Variants in GHR observed in about 807,000 individuals in gnomAD.
GHR encodes GH receptor.
GHR carries 35 observed loss-of-function variants against 67.1 expected under a neutral mutation model. The observed-to-expected ratio is 0.52, with a 90% CI of 0.40 to 0.69. The LOEUF (loss-of-function observed/expected upper bound fraction) is 0.69. Ranked by LOEUF, GHR falls within the 30% of genes least tolerant of loss-of-function variation. GHR has a pLI of 0.00. For missense variants in GHR, 792 were observed against 764.6 expected (o/e 1.04, Z -0.42); for synonymous variants, 272 against 269.1 (o/e 1.01, Z -0.10).
intron 1 of GHR, among the ~76,000 whole-genome samples, chr5:42,458,525 C>T (rs1744354184): frequency 6.6e-6 from 1 of 151,990 alleles, no homozygotes; most frequent in Non-Finnish European, 1.5e-5. Context: ...TATAAAAAAC[C>T]CTGGAAGATA....
intron 2 of GHR, among the ~76,000 whole-genome samples, chr5:42,602,216 G>A (rs1282811714): frequency 6.6e-6 from 1 of 152,060 alleles, no homozygotes; most frequent in Non-Finnish European, 1.5e-5. Flanking sequence ...TTTCCAATAT[G>A]CAATACAATA....
chr5:42,556,892 A>G (rs928797016), intron 1 of GHR, among the ~76,000 whole-genome samples: 6 of 152,330 alleles, frequency 3.9e-5, no homozygotes, highest in Non-Finnish European at 8.8e-5. Flanking sequence ...GGCTACTGAC[A>G]TGCCCCTTCT....
At chr5:42,527,912 T>C (rs1747780844) in intron 1 of GHR, among the ~76,000 whole-genome samples, 1 of 152,134 alleles carries the variant, frequency 6.6e-6, no homozygotes, top group Non-Finnish European at 1.5e-5. Flanking sequence ...ACTCTATAAA[T>C]GGAACACAAT....
At chr5:42,676,492 G>A (rs1756579660) in intron 3 of GHR, among the ~76,000 whole-genome samples, 1 of 151,912 alleles carries the variant, frequency 6.6e-6, no homozygotes, top group Admixed American at 6.6e-5. Context: ...TTTTTTGTCA[G>A]TTGCCATCAT....
At chr5:42,512,625 G>GT (rs1747066442) in intron 1 of GHR, among the ~76,000 whole-genome samples, 1 of 152,016 alleles carries the variant, frequency 6.6e-6, no homozygotes, top group Non-Finnish European at 1.5e-5. Context: ...CAACCTACTT[G>GT]TTTATGTGTC....
chr5:42,620,052 A>G (rs189847166), intron 2 of GHR, among the ~76,000 whole-genome samples: 1 of 152,148 alleles, frequency 6.6e-6, no homozygotes, highest in East Asian at 1.9e-4. Context: ...AGTGAGTGGA[A>G]GAAATTAATC....
chr5:42,468,680 C>CT, intron 1 of GHR: 7 of 997,998 alleles, frequency 7.0e-6, no homozygotes, highest in Non-Finnish European at 9.5e-6. Flanking sequence ...TGCCTGCCGC[C>CT]TTGGAGTTGG....
intron 1 of GHR, among the ~76,000 whole-genome samples, chr5:42,493,607 T>C (rs1044642069): frequency 2.6e-5 from 4 of 152,174 alleles, no homozygotes; most frequent in East Asian, 1.9e-4. Flanking sequence ...TATAGAGTGA[T>C]AGCAGAAAAG....
chr5:42,468,332 C>T, intron 1 of GHR: 2 of 1,560,380 alleles, frequency 1.3e-6, no homozygotes, highest in South Asian at 2.3e-5. Context: ...ATCTTCTCTG[C>T]TCAGCAGGGG....
chr5:42,449,644 T>A (rs1417657538), intron 1 of GHR, among the ~76,000 whole-genome samples: 1 of 152,188 alleles, frequency 6.6e-6, no homozygotes, highest in Non-Finnish European at 1.5e-5. Context: ...TCTTGTCTAA[T>A]CACTCTGGCT....
At position 42,718,698 on chromosome 5, in the gene GHR, T is replaced by G; in HGVS notation, c.1191T>G (p.Thr397=). The G allele has an allele frequency of 1.9e-6, 3 of 1,614,204 alleles. No homozygotes were observed. The highest frequency in any genetic ancestry group is 2.2e-5 in the South Asian group (2 of 91,078). Residue 397 remains threonine, a synonymous_variant, in exon 10 of 10, where the codon ACT becomes ACG. Coordinates refer to ENST00000230882, the MANE Select transcript of GHR (RefSeq NM_000163.5). ...GTTGTGAACCTGACATTCTGGAGAC[T>G]GATTTCAATGCCAATGACATACATG... The part of the protein sequence containing the change: ...TSCCEPDILE[T]DFNANDIHEG...
At chr5:42,558,750 GT>G (rs987533090) in intron 1 of GHR, among the ~76,000 whole-genome samples, 46 of 152,130 alleles carry the variant, frequency 3.0e-4, no homozygotes, top group African/African-American at 1.1e-3. Flanking sequence ...ACTCTGTGGT[GT>G]TCACAGAACC....
chr5:42,664,836 A>G (rs1755867576), intron 3 of GHR, among the ~76,000 whole-genome samples: 1 of 152,222 alleles, frequency 6.6e-6, no homozygotes, highest in Non-Finnish European at 1.5e-5. Context: ...AATTTTCGCA[A>G]CCTACTCATC....
chr5:42,678,088 C>G (rs1186583244), intron 3 of GHR, among the ~76,000 whole-genome samples: 2 of 152,136 alleles, frequency 1.3e-5, no homozygotes, highest in Non-Finnish European at 2.9e-5. Context: ...CTCACTTAAT[C>G]TTTACAATAA....
intron 1 of GHR, among the ~76,000 whole-genome samples, chr5:42,460,054 A>T (rs765077964): frequency 2.3e-4 from 35 of 152,204 alleles, no homozygotes; most frequent in Non-Finnish European, 3.7e-4. Context: ...TCTTAAGGAT[A>T]GGTCTCCAAT....
chr5:42,471,903 T>C (rs1316601098), intron 1 of GHR, among the ~76,000 whole-genome samples: 1 of 152,236 alleles, frequency 6.6e-6, no homozygotes, highest in East Asian at 1.9e-4. Context: ...AATACACTGA[T>C]GAAAAACAAT....
chr5:42,424,171 AGT>A lies in GHR; in HGVS notation c.-12+263_-12+264del, dbSNP rs1158830359. ...CTGGTGGGTTGTTGTAACCCAATCT[AGT>A]GTGTGTGTGTGTGTGTGTGTGTGTG... On this transcript the variant is annotated intron_variant, in intron 1 of 9. Coordinates refer to ENST00000230882, the MANE Select transcript of GHR (RefSeq NM_000163.5). The surrounding 1 kb of genome is among the most constrained non-coding windows in gnomAD (Gnocchi z 4.1). Among the ~76,000 whole-genome samples the A allele has an allele frequency of 0.16, 16,167 of 100,140 alleles. 1,171 individuals are homozygous for A. Among genetic ancestry groups the A allele is most frequent in the African/African-American group, 0.19 (4,607 of 24,128 alleles). 65.7% of individuals were successfully genotyped at this position (100,140 alleles called of 152,430 possible).
intron 3 of GHR, among the ~76,000 whole-genome samples, chr5:42,670,848 T>TA (rs1291646988): frequency 2.9e-5 from 4 of 138,810 alleles, no homozygotes; most frequent in South Asian, 2.2e-4. Context: ...TAATTTTTTT[T>TA]AAAAAAAAGC....
chr5:42,716,767 G>A (rs1758744300), intron 8 of GHR, among the ~76,000 whole-genome samples: 7 of 152,174 alleles, frequency 4.6e-5, no homozygotes, highest in Admixed American at 3.9e-4. Flanking sequence ...TTTATAAAAT[G>A]GATTTTTGCT....
Sources: allele counts gnomAD v4.1 joint callset (sites outside exome capture counted in the v4.1 genomes callset), GRCh38; gene constraint gnomAD v4.1.1; non-coding constraint Gnocchi (gnomAD v3.1); transcripts MANE v1.5; gene names NCBI Gene and HGNC (gene_info 2026-07-23, HGNC 2026-07-21).